The following BRINP3 variants were observed in gnomAD, a reference collection of about 807,000 sequenced individuals.
BRINP3 encodes BMP/retinoic acid-inducible neural-specific protein 3.
In BRINP3, 19 loss-of-function variants were observed where a neutral mutation model predicts 71.0. The observed-to-expected ratio is 0.27, with a 90% confidence interval of 0.19 to 0.39. The LOEUF (loss-of-function observed/expected upper bound fraction) is 0.39. Ranked by LOEUF, BRINP3 falls within the 10% of genes least tolerant of loss-of-function variation. The pLI is 1.00. For missense variants in BRINP3, 959 were observed against 940.8 expected (o/e 1.02, Z -0.25); for synonymous variants, 380 against 337.7 (o/e 1.13, Z -1.37).
intron 6 of BRINP3, among the ~76,000 whole-genome samples, chr1:190,171,681 G>A (rs1036122095): frequency 7.2e-5 from 11 of 152,008 alleles, no homozygotes; most frequent in African/African-American, 2.7e-4. Context: ...TTAACTATTA[G>A]GAAAGTTAAG....
At chr1:190,205,273 C>T (rs1571356832) in intron 6 of BRINP3, among the ~76,000 whole-genome samples, 1 of 151,050 alleles carries the variant, frequency 6.6e-6, no homozygotes, top group South Asian at 2.1e-4. Context: ...TGAGCAGAAT[C>T]TTCGCAAGCC....
intron 6 of BRINP3, among the ~76,000 whole-genome samples, chr1:190,176,021 C>A (rs1652477383): frequency 6.6e-6 from 1 of 152,112 alleles, no homozygotes; most frequent in Non-Finnish European, 1.5e-5. Flanking sequence ...TGTTTTACTG[C>A]CTCAGCCTGT....
At chr1:190,177,477 C>T (rs1327740331) in intron 6 of BRINP3, among the ~76,000 whole-genome samples, 3 of 151,560 alleles carry the variant, frequency 2.0e-5, no homozygotes, top group Non-Finnish European at 4.4e-5. Flanking sequence ...CACGCCCGGC[C>T]CGGGAGCACC....
rs897199010 is a variant in BRINP3, at chr1:190,102,028, C to T, written c.1185-2894G>A. 8.5e-5 allele frequency among the ~76,000 whole-genome samples: 13 copies of T among 152,110 alleles called. No individual in the cohort carries two copies. In the East Asian group the frequency reaches 2.3e-3, roughly 27 times the overall value. Reference sequence around the variant, plus strand: ...TCAGCATACTGCCAAAGCTCTGGTACCCTGGGACTAAGGAGATAGTATGTA... The same window carrying T: ...TCAGCATACTGCCAAAGCTCTGGTATCCTGGGACTAAGGAGATAGTATGTA... On this transcript the variant is annotated intron_variant, in intron 7 of 7. Coordinates refer to ENST00000367462, the MANE Select transcript of BRINP3 (RefSeq NM_199051.3).
At chr1:190,252,039 A>G (rs552925022) in intron 4 of BRINP3, among the ~76,000 whole-genome samples, 2 of 152,214 alleles carry the variant, frequency 1.3e-5, no homozygotes, top group South Asian at 4.1e-4. Flanking sequence ...CAGATACACT[A>G]TAACACAGAT....
chr1:190,424,149 C>T (rs934672858), intron 2 of BRINP3, among the ~76,000 whole-genome samples: 1 of 151,480 alleles, frequency 6.6e-6, no homozygotes, highest in African/African-American at 2.4e-5. Flanking sequence ...CTTAATTCTC[C>T]TGCCTCTTTC....
chr1:190,309,739 T>G (rs1302093593), intron 2 of BRINP3, among the ~76,000 whole-genome samples: 1 of 151,686 alleles, frequency 6.6e-6, no homozygotes, highest in Non-Finnish European at 1.5e-5. Context: ...CCCTGATTAT[T>G]TATATAAGGA....
intron 2 of BRINP3, among the ~76,000 whole-genome samples, chr1:190,320,934 T>G (rs1266544366): frequency 1.3e-5 from 2 of 151,950 alleles, no homozygotes; most frequent in African/African-American, 4.8e-5. Context: ...GTGTGTGTGT[T>G]TGTATATATG....
chr1:190,247,147 G>A (rs569201815), intron 4 of BRINP3, among the ~76,000 whole-genome samples: 7 of 151,488 alleles, frequency 4.6e-5, no homozygotes, highest in South Asian at 4.1e-4. Context: ...GAAGCAATTC[G>A]GTTACCAAAA....
chr1:190,459,937 T>C (rs1388220231), intron 1 of BRINP3, among the ~76,000 whole-genome samples: 1 of 151,986 alleles, frequency 6.6e-6, no homozygotes, highest in Non-Finnish European at 1.5e-5. Context: ...TCTCTGTCTC[T>C]TTTTCTCTTT....
chr1:190,295,310 C>T (rs1664167404), intron 2 of BRINP3, among the ~76,000 whole-genome samples: 1 of 152,082 alleles, frequency 6.6e-6, no homozygotes, highest in Non-Finnish European at 1.5e-5. Flanking sequence ...TGGTGGGGTT[C>T]GTACTTGGGT....
intron 4 of BRINP3, among the ~76,000 whole-genome samples, chr1:190,257,880 T>A (rs1332341103): frequency 1.3e-5 from 2 of 152,102 alleles, no homozygotes; most frequent in African/African-American, 2.4e-5. Flanking sequence ...CACCCACCTG[T>A]ATGAGGTGTC....
chr1:190,202,820 A>G (rs1655125325), intron 6 of BRINP3, among the ~76,000 whole-genome samples: 2 of 152,094 alleles, frequency 1.3e-5, no homozygotes, highest in Non-Finnish European at 2.9e-5. Context: ...GCCATGTAGA[A>G]CTGTAAGTCC....
In BRINP3 at chr1:190,292,511, G is replaced by T. The variant is rs573756095; in HGVS notation, c.237-10761C>A. 1.6e-3 allele frequency among the ~76,000 whole-genome samples: 237 copies of T among 152,120 alleles called. 1 individual carries two copies. The highest frequency in any genetic ancestry group is 5.3e-3 in the African/African-American group (219 of 41,516). On this transcript the variant is annotated intron_variant, in intron 2 of 7. Transcript: ENST00000367462. The stretch of plus-strand genomic sequence containing the variant: ...AAAAAAATAAAAAATAGCTTACTCT[G>T]GTGGCATTTGCCTGTAGTCCTATCT...
At chr1:190,203,027 C>A (rs977963911) in intron 6 of BRINP3, among the ~76,000 whole-genome samples, 2 of 152,042 alleles carry the variant, frequency 1.3e-5, no homozygotes, top group African/African-American at 4.8e-5. Context: ...GCCTAGGAAG[C>A]TGTCATTTTT....
At position 190,381,658 on chromosome 1, in the gene BRINP3, T is replaced by G. The variant is rs190148759; in HGVS notation, c.236+72997A>C. On this transcript the variant is annotated intron_variant, in intron 2 of 7. Transcript: ENST00000367462. ...AATATTCATAAACTTCTGCCAAAGA[T>G]TCATTAAATATCAAATAATAATAAT... 2.1e-3 allele frequency among the ~76,000 whole-genome samples: 322 copies of G among 152,244 alleles called. 1 individual carries two copies. The highest frequency in any genetic ancestry group is 7.1e-3 in the African/African-American group (294 of 41,562).
chr1:190,188,255 C>T (rs924539868), intron 6 of BRINP3, among the ~76,000 whole-genome samples: 19 of 152,054 alleles, frequency 1.2e-4, no homozygotes, highest in Admixed American at 1.2e-3. Flanking sequence ...TTATTCCTAA[C>T]ATTTATTTGG....
At chr1:190,148,245 C>G (rs1299022364) in intron 7 of BRINP3, among the ~76,000 whole-genome samples, 1 of 151,920 alleles carries the variant, frequency 6.6e-6, no homozygotes, top group Non-Finnish European at 1.5e-5. Flanking sequence ...TATGGAAATT[C>G]TATTATGCAT....
chr1:190,124,223 C>T (rs565431836), intron 7 of BRINP3, among the ~76,000 whole-genome samples: 9 of 152,230 alleles, frequency 5.9e-5, no homozygotes, highest in South Asian at 4.1e-4. Context: ...TAAGTTTGTC[C>T]TCCTATTGCT....
Sources: gnomAD v4.1 joint callset for allele counts (sites outside exome capture counted in the v4.1 genomes callset) on GRCh38, gnomAD v4.1.1 for gene constraint, MANE v1.5 for transcripts, NCBI Gene and HGNC (gene_info 2026-07-23, HGNC 2026-07-21) for gene names.